The following ARMH4 variants were observed in gnomAD, a reference collection of about 807,000 sequenced individuals.
ARMH4 encodes armadillo like helical domain containing 4.
In ARMH4, 49 loss-of-function variants were observed where a neutral mutation model predicts 61.9. The ratio of observed to expected loss-of-function variants is 0.79; its 90% confidence interval spans 0.63 to 1.00. The LOEUF is 1.00. Ranked by LOEUF, ARMH4 falls within the 50% of genes least tolerant of loss-of-function variation. The pLI, the probability that ARMH4 is intolerant of heterozygous loss-of-function variation, is 0.00. For missense variants in ARMH4, 934 were observed against 930.0 expected (o/e 1.00, Z -0.06); for synonymous variants, 368 against 341.5 (o/e 1.08, Z -0.85).
At chr14:58,031,948 T>C (rs756498884) in intron 5 of ARMH4, among the ~76,000 whole-genome samples, 1 of 152,204 alleles carries the variant, frequency 6.6e-6, no homozygotes, top group Admixed American at 6.5e-5. Flanking sequence ...AGCTTTCTAC[T>C]GCCCTCAGGA....
chr14:58,110,888 A>G (rs1047262605), intron 4 of ARMH4, among the ~76,000 whole-genome samples: 7 of 151,646 alleles, frequency 4.6e-5, no homozygotes, highest in Non-Finnish European at 1.0e-4. Context: ...ACGCCCAGCT[A>G]ATTTTTTTTA....
intron 4 of ARMH4, among the ~76,000 whole-genome samples, chr14:58,102,148 C>T (rs1304640926): frequency 6.6e-6 from 1 of 152,108 alleles, no homozygotes; most frequent in African/African-American, 2.4e-5. Context: ...TAAGAGAAGG[C>T]ACTGGAAGGC....
intron 5 of ARMH4, among the ~76,000 whole-genome samples, chr14:58,081,048 G>A (rs943104679): frequency 1.3e-5 from 2 of 152,024 alleles, no homozygotes; most frequent in Non-Finnish European, 2.9e-5. Context: ...GTGGCAGTGA[G>A]CCAAGATTGT....
chr14:58,141,218 C>T (rs1030502573), intron 1 of ARMH4: 1 of 256,758 alleles, frequency 3.9e-6, no homozygotes, highest in Non-Finnish European at 7.9e-6. Context: ...AAATAATTTT[C>T]AATGAAAATA....
At chr14:58,055,861 GT>G (rs1344489300) in intron 5 of ARMH4, among the ~76,000 whole-genome samples, 1 of 152,198 alleles carries the variant, frequency 6.6e-6, no homozygotes, top group Non-Finnish European at 1.5e-5. Flanking sequence ...TTAATACACT[GT>G]TTTAAAGTGA....
rs764024450 is a variant in ARMH4 at position 58,138,396 on chromosome 14, ACT to A, written c.961_962del (p.Ser321CysfsTer13). 1 of 1,614,024 alleles carries A rather than the reference ACT, an allele frequency of 6.2e-7. No homozygotes were observed. Among genetic ancestry groups the A allele is most frequent in the South Asian group, 1.1e-5 (1 of 91,078 alleles). ...GCTTGGGGGTCCTTATCCGGCTTAC[ACT>A]CTCTAATTTGGTGTCATCCCACTCA... is the stretch of plus-strand genomic sequence containing the variant. The part of the protein sequence containing the change: ...SDEWDDTKLE[S>X]VSRIRTPKLG... On this transcript the variant is annotated frameshift_variant, in exon 2 of 8. Transcript: ENST00000267485. LOFTEE classifies it high-confidence loss of function.
intron 1 of ARMH4, chr14:58,141,685 G>A (rs921450961): frequency 1.5e-5 from 5 of 340,226 alleles, no homozygotes; most frequent in Admixed American, 4.3e-5. Context: ...CTTCCTTGAA[G>A]GGCAGCAGCC....
chr14:58,108,489 C>T (rs1358418142), intron 4 of ARMH4, among the ~76,000 whole-genome samples: 2 of 152,210 alleles, frequency 1.3e-5, no homozygotes, highest in African/African-American at 4.8e-5. Flanking sequence ...TACAAAGTTA[C>T]TGACTGCTAT....
chr14:58,041,009 G>A (rs1883676265), intron 5 of ARMH4, among the ~76,000 whole-genome samples: 1 of 152,224 alleles, frequency 6.6e-6, no homozygotes. Context: ...AACAGGAACA[G>A]CTCCAGTCTA....
At chr14:58,039,378 A>T (rs1011136688) in intron 5 of ARMH4, among the ~76,000 whole-genome samples, 2 of 152,202 alleles carry the variant, frequency 1.3e-5, no homozygotes, top group African/African-American at 4.8e-5. Context: ...ATCCCTTTGA[A>T]TTAAGGAAAA....
intron 4 of ARMH4, among the ~76,000 whole-genome samples, 173 bp from the exon 5 acceptor site, chr14:58,097,154 T>C (rs1594754669): frequency 1.3e-5 from 2 of 152,206 alleles, no homozygotes; most frequent in Non-Finnish European, 2.9e-5. Context: ...ACCCACCATA[T>C]GTCCTAGAGT....
chr14:58,045,134 A>C lies in ARMH4; in HGVS notation c.2090-32984T>G, dbSNP rs531118750. ...TGGGTATATACCCAAAGGATTATAA[A>C]TCATGCTGCTATAAAGACACATGCA... On this transcript the variant is annotated intron_variant, in intron 5 of 7. Transcript: ENST00000267485. 6.1e-3 allele frequency among the ~76,000 whole-genome samples: 934 copies of C among 152,336 alleles called. 14 individuals are homozygous for C. The highest frequency in any genetic ancestry group is 0.021 in the African/African-American group (869 of 41,560).
chr14:58,086,512 T>C (rs1185078737), intron 5 of ARMH4, among the ~76,000 whole-genome samples: 1 of 152,148 alleles, frequency 6.6e-6, no homozygotes, highest in Non-Finnish European at 1.5e-5. Context: ...CAGTACCTGA[T>C]CAGTTACCAT....
intron 5 of ARMH4, among the ~76,000 whole-genome samples, chr14:58,020,308 G>A (rs544415116): frequency 6.6e-6 from 1 of 152,096 alleles, no homozygotes; most frequent in Non-Finnish European, 1.5e-5. Flanking sequence ...GGATATGGGG[G>A]ATACTCAAGC....
chr14:58,019,423 T>A (rs1042792349), intron 5 of ARMH4, among the ~76,000 whole-genome samples: 28 of 152,142 alleles, frequency 1.8e-4, no homozygotes, highest in Non-Finnish European at 4.1e-4. Flanking sequence ...CTAATTTTTT[T>A]ATAAAAAAGT....
chr14:58,143,285 G>T (rs1423126933), intron 1 of ARMH4, among the ~76,000 whole-genome samples: 1 of 152,112 alleles, frequency 6.6e-6, no homozygotes, highest in African/African-American at 2.4e-5. Context: ...AGCCTATCAG[G>T]GATTACAAAT....
In ARMH4 at chr14:58,097,850, C is replaced by T. The variant is rs552567558; in HGVS notation, c.1832-869G>A. 2.0e-5 allele frequency among the ~76,000 whole-genome samples: 3 copies of T among 152,192 alleles called. No homozygotes were observed. In the East Asian group the frequency reaches 5.8e-4, roughly 29 times the overall value. On this transcript the variant is annotated intron_variant, in intron 4 of 7. Coordinates refer to ENST00000267485, the MANE Select transcript of ARMH4 (RefSeq NM_001001872.4). ...CCTCCCACAATGCTAGTATTATAGG[C>T]GTGAGCCATGGCACTTCACCACAAG...
intron 5 of ARMH4, among the ~76,000 whole-genome samples, chr14:58,055,291 C>A (rs916759414): frequency 2.0e-5 from 3 of 152,166 alleles, no homozygotes; most frequent in Admixed American, 1.3e-4. Flanking sequence ...TGTCCCAGGA[C>A]AGATAGCTGT....
chr14:58,063,232 C>A (rs1307024010), intron 5 of ARMH4, among the ~76,000 whole-genome samples: 1 of 152,192 alleles, frequency 6.6e-6, no homozygotes, highest in Non-Finnish European at 1.5e-5. Flanking sequence ...GTTCTCCCTG[C>A]ATGTCTGTGT....
Sources: gnomAD v4.1 joint callset for allele counts (sites outside exome capture counted in the v4.1 genomes callset) on GRCh38, gnomAD v4.1.1 for gene constraint, MANE v1.5 for transcripts, NCBI Gene and HGNC (gene_info 2026-07-23, HGNC 2026-07-21) for gene names.